Variants in CDHR5 observed in about 807,000 individuals in gnomAD.
CDHR5 encodes cadherin-related family member 5.
In CDHR5, 82 loss-of-function variants were observed where a neutral mutation model predicts 69.5. That is an observed-to-expected ratio of 1.18 (90% CI 0.99 to 1.42). CDHR5 has a LOEUF of 1.42. Among genes scored for constraint, CDHR5 ranks in the 40% most tolerant of loss-of-function variants. The pLI is 0.00. For missense variants in CDHR5, 1,293 were observed against 1,168.9 expected (o/e 1.11, Z -1.55); for synonymous variants, 601 against 510.2 (o/e 1.18, Z -2.40).
intron 13 of CDHR5, 104 bp downstream of exon 13, chr11:618,495 T>G: frequency 7.3e-7 from 1 of 1,367,064 alleles, no homozygotes; most frequent in Non-Finnish European, 1.0e-6. Flanking sequence ...TCTTTGGGAT[T>G]TCATGGTCAG....
chr11:621,171 C>A lies in CDHR5; in HGVS notation c.698G>T (p.Arg233Leu), dbSNP rs370560374. ...GGTGCAGGGCAGGAACCACGGGGGC[C>A]GCAGGTCGGCGGGCACCACGTTCAG... Reference protein sequence around the residue: ...LVLNVVPADLRPPWFLPCTFS... With the variant: ...LVLNVVPADLLPPWFLPCTFS... The change falls in exon 7 of 15, where the codon CGG (arginine) becomes CTG (leucine). Residue 233 changes from arginine (R) to leucine (L), a missense_variant. Physicochemically the swap from Arg to Leu is moderately radical, Grantham distance 102 (BLOSUM62 -2). Coordinates refer to ENST00000397542, the MANE Select transcript of CDHR5 (RefSeq NM_021924.5). The surrounding 1 kb of genome is among the most constrained non-coding windows in gnomAD (Gnocchi z 4.4). 3 of 1,605,546 alleles carry A rather than the reference C, an allele frequency of 1.9e-6. No homozygotes were observed. The East Asian group carries it at 6.7e-5, about 36-fold the overall frequency.
In CDHR5 at chr11:624,126, A is replaced by C. The variant is rs1200786823; in HGVS notation, c.312+87T>G. 1 of 696,060 alleles carries C rather than the reference A, an allele frequency of 1.4e-6. No individual in the cohort carries two copies. Among genetic ancestry groups the C allele is most frequent in the Non-Finnish European group, 2.7e-6 (1 of 373,930 alleles). The allele number at this position is 696,060 out of a possible 1,614,324, so 43.1% of individuals were successfully genotyped here. On this transcript the variant is annotated intron_variant, in intron 3 of 14. Transcript: ENST00000397542. The surrounding 1 kb of genome is among the most constrained non-coding windows in gnomAD (Gnocchi z 5.3). ...GGAATTTGAAACCACACCCTAGCTG[A>C]CGTCATCAAAGACTGGTCCTGGACC...
chr11:620,508 C>T lies in CDHR5; in HGVS notation c.790-122G>A, dbSNP rs1465266997. 19 of 647,536 alleles carry T rather than the reference C, an allele frequency of 2.9e-5. 1 individual carries two copies. Among genetic ancestry groups the T allele is most frequent in the South Asian group, 7.6e-5 (4 of 52,410 alleles). 40.1% of individuals were successfully genotyped at this position (647,536 alleles called of 1,614,324 possible). A position where few individuals can be genotyped will look rare whatever the true frequency, so the allele number is the denominator to read the frequency against. ...GGAGGGGCCCAGTCCCGCTGGTGGC[C>T]GGGCGTCCCTGCCTGCCTAGGACAG... On this transcript the variant is annotated intron_variant, in intron 7 of 14. Coordinates refer to ENST00000397542, the MANE Select transcript of CDHR5 (RefSeq NM_021924.5).
chr11:618,444 G>A (rs1857119548), intron 13 of CDHR5, among the ~76,000 whole-genome samples, 155 bp downstream of exon 13: 1 of 152,252 alleles, frequency 6.6e-6, no homozygotes, highest in African/African-American at 2.4e-5. Flanking sequence ...CTCACTGGGG[G>A]CCTTGGGCCT....
Position 618,991 on chromosome 11 carries a change from C to T in CDHR5, c.1568G>A (p.Gly523Asp). ...TTGGTGGGAGGTGCTGTTTTCTGCA[C>T]CCGGGGGCCCCCCGGGTGTGGACGA... is the stretch of plus-strand genomic sequence containing the variant. ...PTSSTPGGPP[G>D]AENSTSHQPA... Residue 523 changes from glycine to aspartate, a missense_variant, in exon 13 of 15, where the codon GGT becomes GAT. Gly to Asp is a moderately conservative substitution (Grantham distance 94). Coordinates refer to ENST00000397542, the MANE Select transcript of CDHR5 (RefSeq NM_021924.5). 4 of 1,613,116 alleles carry T rather than the reference C, an allele frequency of 2.5e-6. No individual in the cohort carries two copies. Among genetic ancestry groups the T allele is most frequent in the Admixed American group, 1.7e-5 (1 of 59,946 alleles).
chr11:619,689 C>T lies in CDHR5; in HGVS notation c.1171G>A (p.Glu391Lys). 6.2e-7 allele frequency: 1 copy of T among 1,613,414 alleles called. No individual in the cohort carries two copies. The highest frequency in any genetic ancestry group is 2.2e-5 in the East Asian group (1 of 44,878). Reference protein sequence around the residue: ...QPLRIQAQDPEFSDLNSAITY... With the variant: ...QPLRIQAQDPKFSDLNSAITY... ...TTGGATGCACTCTCTACCGAGAACTCCGGGTCCTGAGCCTGGATCCTCAGA... is the reference window on the plus strand; with the variant it reads ...TTGGATGCACTCTCTACCGAGAACTTCGGGTCCTGAGCCTGGATCCTCAGA... The change falls in exon 10 of 15, where the codon GAG becomes AAG. Residue 391 changes from glutamate (E) to lysine (K), a missense_variant. By Grantham distance (56) the Glu-to-Lys change is moderately conservative. Transcript: ENST00000397542.
In CDHR5 at chr11:621,137, A is replaced by G. The variant is rs145637359; in HGVS notation, c.732T>C (p.Asp244=). The change falls in exon 7 of 15, where the codon GAT becomes GAC. Residue 244 remains aspartate, a synonymous_variant. Coordinates refer to ENST00000397542, the MANE Select transcript of CDHR5 (RefSeq NM_021924.5). The surrounding 1 kb of genome is among the most constrained non-coding windows in gnomAD (Gnocchi z 4.4). The part of the protein sequence containing the change: ...PPWFLPCTFS[D]GYVCIQAQYH... ...ACTGAGCTTGAATGCAGACGTAGCC[A>G]TCTGAGAAGGTGCAGGGCAGGAACC... The G allele has an allele frequency of 5.6e-6, 9 of 1,595,550 alleles. No homozygotes were observed. In the African/African-American group the frequency reaches 1.2e-4, roughly 21 times the overall value.
rs777528188 is a variant in CDHR5 at position 624,827 on chromosome 11, G to C, written c.76C>G (p.Gln26Glu). ...CCCTGCCCGCACATACACTGGGCCT[G>C]GGCCATGGTCCCCGGGGGTCGGACG... is the stretch of plus-strand genomic sequence containing the variant. ...LLVRPPGTMAQAQYCSVNKDI... is the reference protein window; with the variant it reads ...LLVRPPGTMAEAQYCSVNKDI... The change falls in exon 1 of 15, where the codon CAG becomes GAG. Residue 26 changes from glutamine to glutamate, a missense_variant. Transcript: ENST00000397542. The surrounding 1 kb of genome is among the most constrained non-coding windows in gnomAD (Gnocchi z 5.3). The C allele has an allele frequency of 6.2e-7, 1 of 1,608,758 alleles. No individual in the cohort carries two copies. The highest frequency in any genetic ancestry group is 8.5e-7 in the Non-Finnish European group (1 of 1,178,114).
chr11:623,697 C>G (rs1393376812), intron 3 of CDHR5, among the ~76,000 whole-genome samples: 11 of 152,198 alleles, frequency 7.2e-5, no homozygotes. Context: ...TTACAACATC[C>G]ACAGGGGCTG....
intron 8 of CDHR5, 38 bp downstream of exon 8, chr11:620,256 AGG>A: frequency 1.3e-6 from 2 of 1,585,406 alleles, no homozygotes; most frequent in East Asian, 2.2e-5. Context: ...ACAGGGACAG[AGG>A]GGGTACAGGG....
intron 7 of CDHR5, 88 bp from the exon 8 acceptor site, chr11:620,474 G>C (rs111653843): frequency 9.7e-6 from 9 of 928,174 alleles, no homozygotes; most frequent in African/African-American, 6.6e-5. Flanking sequence ...CAAGGGCAGG[G>C]TTGGCTGAGG....
intron 8 of CDHR5, 32 bp downstream of exon 8, chr11:620,264 C>T (rs746847460): frequency 6.3e-7 from 1 of 1,590,816 alleles, no homozygotes; most frequent in Non-Finnish European, 8.6e-7. Context: ...AGAGGGGGTA[C>T]AGGGCATTGT....
At position 617,546 on chromosome 11, in the gene CDHR5, C is replaced by T. The variant is rs756673532; in HGVS notation, c.2343G>A (p.Glu781=). The change falls in exon 15 of 15, where the codon GAG becomes GAA. Residue 781 remains glutamate (E), a synonymous_variant. Coordinates refer to ENST00000397542, the MANE Select transcript of CDHR5 (RefSeq NM_021924.5). ...CCTTGTACCCGCCCTCCGGCCGCCG[C>T]TCCTTGGTCAGGATGGACCTCACCG... ...PTAVRSILTK[E]RRPEGGYKAV... The T allele has an allele frequency of 2.5e-6, 4 of 1,612,270 alleles. No individual in the cohort carries two copies. The East Asian group carries it at 6.7e-5, about 27-fold the overall frequency.
At position 621,697 on chromosome 11, in the gene CDHR5, T is replaced by C. The variant is rs1399682457; in HGVS notation, c.406-34A>G. Reference sequence around the variant, plus strand: ...GGAGAGGGGCTTGGTCCGGCCACACTCTTGGCCCCTGTGGACCCCCACTGT... The same window carrying C: ...GGAGAGGGGCTTGGTCCGGCCACACCCTTGGCCCCTGTGGACCCCCACTGT... On this transcript the variant is annotated intron_variant, in intron 4 of 14. Transcript: ENST00000397542. The surrounding 1 kb of genome is among the most constrained non-coding windows in gnomAD (Gnocchi z 4.4). 1 of 1,568,300 alleles carries C rather than the reference T, an allele frequency of 6.4e-7. No homozygotes were observed. The highest frequency in any genetic ancestry group is 8.8e-7 in the Non-Finnish European group (1 of 1,139,050).
Position 619,351 on chromosome 11 carries a change from T to C in CDHR5, c.1333A>G (p.Thr445Ala), listed in dbSNP as rs1284384552. The change falls in exon 12 of 15, where the codon ACA becomes GCA. Residue 445 changes from threonine (T) to alanine (A), a missense_variant. Coordinates refer to ENST00000397542, the MANE Select transcript of CDHR5 (RefSeq NM_021924.5). The stretch of plus-strand genomic sequence containing the variant: ...TCGGAAACTTGTATCTCAATGACTG[T>C]GGTTGCGGTGCCAGAGGTCACCGTG... ...HNTVTSGTAT[T>A]VIEIQVSEQE... 3.7e-6 allele frequency: 6 copies of C among 1,613,680 alleles called. No homozygotes were observed. Among genetic ancestry groups the C allele is most frequent in the Non-Finnish European group, 5.1e-6 (6 of 1,179,802 alleles).
Position 617,588 on chromosome 11 carries a change from A to C in CDHR5, c.2301T>G (p.Ala767=), listed in dbSNP as rs1377829210. 3 of 1,609,694 alleles carry C rather than the reference A, an allele frequency of 1.9e-6. No individual in the cohort carries two copies. In the African/African-American group the frequency reaches 4.0e-5, roughly 22 times the overall value. ...ACCTCACCGCCGTGGGGCTTCCGCC[A>C]GCTCGGGCCGCTGCGGGGGGCTCAG... The part of the protein sequence containing the change: ...GAPEPPAAAR[A]GGSPTAVRSI... Residue 767 remains alanine (A), a synonymous_variant, in exon 15 of 15, where the codon GCT becomes GCG. Coordinates refer to ENST00000397542, the MANE Select transcript of CDHR5 (RefSeq NM_021924.5).
At chr11:623,234 G>A (rs533049828) in intron 3 of CDHR5, among the ~76,000 whole-genome samples, 188 of 152,244 alleles carry the variant, frequency 1.2e-3, no homozygotes, top group African/African-American at 4.1e-3. Flanking sequence ...GCTTGGACCC[G>A]GGAGGCGGAA....
chr11:619,306 C>G lies in CDHR5; in HGVS notation c.1378G>C (p.Asp460His), dbSNP rs1857206062. The part of the protein sequence containing the change: ...QVSEQEPPST[D>H]VPPSPEAGGT... ...GGCTCACCTGTGGAGGGGGGCTTACCTGTGGAGGGGGGCTCCTGTTCGGAA... is the reference window on the plus strand; with the variant it reads ...GGCTCACCTGTGGAGGGGGGCTTACGTGTGGAGGGGGGCTCCTGTTCGGAA... The change falls in exon 12 of 15, where the codon GAT (aspartate) becomes CAT (histidine). Residue 460 changes from aspartate (D) to histidine (H), a missense_variant and splice_region_variant. Coordinates refer to ENST00000397542, the MANE Select transcript of CDHR5 (RefSeq NM_021924.5). 2.5e-6 allele frequency: 4 copies of G among 1,605,722 alleles called. No individual in the cohort carries two copies. The highest frequency in any genetic ancestry group is 2.7e-5 in the African/African-American group (2 of 74,662).
In CDHR5 at chr11:621,598, G is replaced by A. The variant is rs144446111; in HGVS notation, c.471C>T (p.Asp157=). The A allele has an allele frequency of 3.1e-5, 50 of 1,613,544 alleles. No individual in the cohort carries two copies. Among genetic ancestry groups the A allele is most frequent in the African/African-American group, 9.4e-5 (7 of 74,816 alleles). ...CCTGGAGGGTGTAGAACAGAATGTC[G>A]TCCTTGTCGCGGTCCTCAGCCTGCA... is the stretch of plus-strand genomic sequence containing the variant. ...TQLQAEDRDK[D]DILFYTLQEM... is the part of the protein sequence containing the mutation. Residue 157 remains aspartate, a synonymous_variant, in exon 5 of 15, where the codon GAC becomes GAT. Coordinates refer to ENST00000397542, the MANE Select transcript of CDHR5 (RefSeq NM_021924.5). This position sits in a 1 kb window ranked among gnomAD's most constrained non-coding sequence, Gnocchi z 4.4.
Sources: gnomAD v4.1 joint callset for allele counts (sites outside exome capture counted in the v4.1 genomes callset) on GRCh38, gnomAD v4.1.1 for gene constraint, Gnocchi (gnomAD v3.1) non-coding constraint, MANE v1.5 for transcripts, NCBI Gene and HGNC (gene_info 2026-07-23, HGNC 2026-07-21) for gene names.